P3H3: variants seen among roughly 807,000 people sequenced by gnomAD.
The protein encoded by P3H3 is gene rich cluster, B.
P3H3 carries 64 observed loss-of-function variants against 78.1 expected under a neutral mutation model. That is an observed-to-expected ratio of 0.82 (90% CI 0.67 to 1.01). The LOEUF (loss-of-function observed/expected upper bound fraction) is 1.01, where lower values mean the gene tolerates loss of function less well. Among genes scored for constraint, P3H3 ranks in the 50% least tolerant of loss-of-function variants. P3H3 has a pLI of 0.00. For missense variants in P3H3, 975 were observed against 982.2 expected (o/e 0.99, Z 0.10); for synonymous variants, 425 against 416.7 (o/e 1.02, Z -0.24).
intron 11 of P3H3, 61 bp from the exon 12 acceptor site, chr12:6,837,671 C>A: frequency 6.3e-7 from 1 of 1,585,054 alleles, no homozygotes; most frequent in Non-Finnish European, 8.6e-7. Context: ...CGGCCTGAGC[C>A]CACAGGGTGG....
rs1555122448 is a variant in P3H3, at chr12:6,837,852, G to A, written c.1829+3G>A. 6.2e-7 allele frequency: 1 copy of A among 1,606,890 alleles called. No individual in the cohort carries two copies. Among genetic ancestry groups the A allele is most frequent in the South Asian group, 1.1e-5 (1 of 89,762 alleles). ...GCCTACACCTATCGGGACTACAGGT[G>A]GGCAGCCCCTCTAGTGGTCAGGCAG... On this transcript the variant is annotated splice_donor_region_variant and intron_variant, in intron 12 of 14. Transcript: ENST00000290510.
intron 12 of P3H3, 42 bp downstream of exon 12, chr12:6,837,891 G>A (rs1165527332): frequency 1.3e-6 from 2 of 1,594,366 alleles, no homozygotes; most frequent in Non-Finnish European, 1.7e-6. Context: ...GGCAGACAAA[G>A]GTCATCCCAC....
chr12:6,829,812 G>GC lies in P3H3; in HGVS notation c.499-41dup, dbSNP rs782171892. On this transcript the variant is annotated intron_variant, in intron 1 of 14. Coordinates refer to ENST00000290510, the MANE Select transcript of P3H3 (RefSeq NM_014262.5). The surrounding 1 kb of genome is among the most constrained non-coding windows in gnomAD (Gnocchi z 5.1). ...GAGGCTGGCCAGGGGGCAGAGGTCT[G>GC]CCCCCCGTCCCAGGGCTCTGATGCC... 4.3e-6 allele frequency: 7 copies of GC among 1,610,192 alleles called. No individual in the cohort carries two copies. The highest frequency in any genetic ancestry group is 5.1e-6 in the Non-Finnish European group (6 of 1,177,574).
In P3H3 at chr12:6,830,376, G is replaced by T; in HGVS notation, c.675G>T (p.Glu225Asp). 6.3e-7 allele frequency: 1 copy of T among 1,584,656 alleles called. No homozygotes were observed. Among genetic ancestry groups the T allele is most frequent in the East Asian group, 2.3e-5 (1 of 43,376 alleles). Residue 225 changes from glutamate (E) to aspartate (D), a missense_variant, in exon 3 of 15, where the codon GAG becomes GAT. Transcript: ENST00000290510. ...AGGCAGCCTATGACACTGGCCTGGA[G>T]CTACTGGGGCGCCAGGAGGCAGGAC... is the stretch of plus-strand genomic sequence containing the variant. ...PHWAAYDTGL[E>D]LLGRQEAGLA...
At position 6,831,779 on chromosome 12, in the gene P3H3, C is replaced by T. The variant is rs1555121472; in HGVS notation, c.1123-46C>T. The T allele has an allele frequency of 7.8e-7, 1 of 1,278,972 alleles. No homozygotes were observed. Among genetic ancestry groups the T allele is most frequent in the East Asian group, 2.4e-5 (1 of 41,344 alleles). The allele number at this position is 1,278,972 out of a possible 1,614,324, so 79.2% of individuals were successfully genotyped here. A position where few individuals can be genotyped will look rare whatever the true frequency, so the allele number is the denominator to read the frequency against. ...GCAGTGCCCTAGAGCCGGCGCTTCC[C>T]TGCCTTCCTCCAGCTACCCCTCACT... is the stretch of plus-strand genomic sequence containing the variant. On this transcript the variant is annotated intron_variant, in intron 5 of 14. Coordinates refer to ENST00000290510, the MANE Select transcript of P3H3 (RefSeq NM_014262.5). This position sits in a 1 kb window ranked among gnomAD's most constrained non-coding sequence, Gnocchi z 4.6.
chr12:6,831,771 G>T lies in P3H3; in HGVS notation c.1123-54G>T. 1 of 1,145,016 alleles carries T rather than the reference G, an allele frequency of 8.7e-7. No homozygotes were observed. The allele number at this position is 1,145,016 out of a possible 1,614,324, so 70.9% of individuals were successfully genotyped here. Reference sequence around the variant, plus strand: ...GCACCCAGGCAGTGCCCTAGAGCCGGCGCTTCCCTGCCTTCCTCCAGCTAC... The same window carrying T: ...GCACCCAGGCAGTGCCCTAGAGCCGTCGCTTCCCTGCCTTCCTCCAGCTAC... On this transcript the variant is annotated intron_variant, in intron 5 of 14. Coordinates refer to ENST00000290510, the MANE Select transcript of P3H3 (RefSeq NM_014262.5). This position sits in a 1 kb window ranked among gnomAD's most constrained non-coding sequence, Gnocchi z 4.6.
rs1203276691 is a variant in P3H3, at chr12:6,831,212, C to T, written c.986-4C>T. ...AACCCCTGACCTTGTCGCTCCCTCT[C>T]CAGTGGGCAATCTGTCCCAGGCTAT... is the stretch of plus-strand genomic sequence containing the variant. On this transcript the variant is annotated splice_region_variant and splice_polypyrimidine_tract_variant and intron_variant, in intron 4 of 14. Coordinates refer to ENST00000290510, the MANE Select transcript of P3H3 (RefSeq NM_014262.5). This position sits in a 1 kb window ranked among gnomAD's most constrained non-coding sequence, Gnocchi z 4.6. 6.2e-7 allele frequency: 1 copy of T among 1,613,666 alleles called. No individual in the cohort carries two copies. Among genetic ancestry groups the T allele is most frequent in the Non-Finnish European group, 8.5e-7 (1 of 1,179,798 alleles).
In P3H3 at chr12:6,839,525, G is replaced by C. The variant is rs182343500; in HGVS notation, c.*64G>C. On this transcript the variant is annotated 3_prime_UTR_variant, in exon 15 of 15. Coordinates refer to ENST00000290510, the MANE Select transcript of P3H3 (RefSeq NM_014262.5). The stretch of plus-strand genomic sequence containing the variant: ...TTGTGGAAGGCCATCTTGATGCCAG[G>C]ACACACAGGAAGCCCCTGTGTGACA... The C allele has an allele frequency of 1.3e-6, 2 of 1,518,976 alleles. No individual in the cohort carries two copies. The highest frequency in any genetic ancestry group is 2.0e-5 in the Admixed American group (1 of 49,000). The allele number at this position is 1,518,976 out of a possible 1,614,324, so 94.1% of individuals were successfully genotyped here. A position where few individuals can be genotyped will look rare whatever the true frequency, so the allele number is the denominator to read the frequency against.
chr12:6,832,900 G>A (rs370369534), intron 6 of P3H3, among the ~76,000 whole-genome samples: 42,160 of 146,364 alleles, frequency 0.29, 6,117 homozygotes, highest in East Asian at 0.35. Context: ...ACCGGAACCC[G>A]GCCTGCAGCT....
chr12:6,834,018 C>G lies in P3H3; in HGVS notation c.1427C>G (p.Ala476Gly). ...RAVLDGLLTPAECGVLLQLAK... is the reference protein window; with the variant it reads ...RAVLDGLLTPGECGVLLQLAK... Reference sequence around the variant, plus strand: ...GTGTTGGATGGGCTGCTCACCCCAGCCGAGTGTGGGGTGCTGCTGCAGCTG... The same window carrying G: ...GTGTTGGATGGGCTGCTCACCCCAGGCGAGTGTGGGGTGCTGCTGCAGCTG... Residue 476 changes from alanine to glycine, a missense_variant, in exon 9 of 15, where the codon GCC (alanine) becomes GGC (glycine). Coordinates refer to ENST00000290510, the MANE Select transcript of P3H3 (RefSeq NM_014262.5). 1 of 1,613,748 alleles carries G rather than the reference C, an allele frequency of 6.2e-7. No individual in the cohort carries two copies. Among genetic ancestry groups the G allele is most frequent in the Non-Finnish European group, 8.5e-7 (1 of 1,179,876 alleles).
At chr12:6,836,831 G>C (rs180994970) in intron 9 of P3H3, among the ~76,000 whole-genome samples, 154 bp from the exon 10 acceptor site, 2 of 152,290 alleles carry the variant, frequency 1.3e-5, no homozygotes, top group Middle Eastern at 3.4e-3. Context: ...CACTCTCTGG[G>C]AAAGAGCAGC....
intron 6 of P3H3, 98 bp from the exon 7 acceptor site, chr12:6,833,494 T>G (rs1188626451): frequency 7.8e-7 from 1 of 1,276,672 alleles, no homozygotes; most frequent in East Asian, 2.3e-5. Flanking sequence ...TCTTCCTCTC[T>G]GGAAACAGAA....
At position 6,837,045 on chromosome 12, in the gene P3H3, C is replaced by T; in HGVS notation, c.1519C>T (p.His507Tyr). 2 of 1,608,046 alleles carry T rather than the reference C, an allele frequency of 1.2e-6. No individual in the cohort carries two copies. ...YRGRRSPHTP[H>Y]ERFEGLTVLK... ...TGGTCGCCGCTCCCCTCACACCCCCCATGAACGCTTCGAGGGGCTCACGGT... is the reference window on the plus strand; with the variant it reads ...TGGTCGCCGCTCCCCTCACACCCCCTATGAACGCTTCGAGGGGCTCACGGT... The change falls in exon 10 of 15, where the codon CAT becomes TAT. Residue 507 changes from histidine to tyrosine, a missense_variant. His to Tyr is a moderately conservative substitution (Grantham distance 83). Coordinates refer to ENST00000290510, the MANE Select transcript of P3H3 (RefSeq NM_014262.5).
Position 6,829,779 on chromosome 12 carries a change from A to G in P3H3, c.499-80A>G. On this transcript the variant is annotated intron_variant, in intron 1 of 14. Coordinates refer to ENST00000290510, the MANE Select transcript of P3H3 (RefSeq NM_014262.5). The surrounding 1 kb of genome is among the most constrained non-coding windows in gnomAD (Gnocchi z 5.1). ...GGCACCCAGAGTGTGTGTCTGGGGT[A>G]GGGTGGGGAGGCTGGCCAGGGGGCA... 6.7e-7 allele frequency: 1 copy of G among 1,482,010 alleles called. No individual in the cohort carries two copies. The highest frequency in any genetic ancestry group is 9.4e-7 in the Non-Finnish European group (1 of 1,068,632). The allele number at this position is 1,482,010 out of a possible 1,614,324, so 91.8% of individuals were successfully genotyped here.
chr12:6,830,934 G>C (rs782611181), intron 4 of P3H3, 164 bp downstream of exon 4: 82 of 1,050,902 alleles, frequency 7.8e-5, no homozygotes, highest in Non-Finnish European at 1.1e-4. Flanking sequence ...CTCCTTTGGC[G>C]CCTGTGACAA....
intron 6 of P3H3, among the ~76,000 whole-genome samples, 175 bp downstream of exon 6, chr12:6,832,089 G>A (rs929121872): frequency 1.3e-5 from 2 of 152,158 alleles, no homozygotes; most frequent in African/African-American, 2.4e-5. Flanking sequence ...TTGGGGTCAC[G>A]CAGGCCTAAA....
In P3H3 at chr12:6,839,008, G is replaced by A; in HGVS notation, c.1914G>A (p.Val638=). 1 of 1,597,066 alleles carries A rather than the reference G, an allele frequency of 6.3e-7. No homozygotes were observed. The highest frequency in any genetic ancestry group is 8.5e-7 in the Non-Finnish European group (1 of 1,171,974). ...EPNALTVTAR[V]RPRCGRLVAF... is the part of the protein sequence containing the mutation. ...TGCCCTCATCCCTCCAGGCTCGGGT[G>A]CGTCCTCGCTGTGGGCGCCTTGTGG... Residue 638 remains valine, a synonymous_variant, in exon 14 of 15, where the codon GTG becomes GTA. Coordinates refer to ENST00000290510, the MANE Select transcript of P3H3 (RefSeq NM_014262.5).
rs369045576 is a variant in P3H3 at position 6,829,448 on chromosome 12, C to T, written c.499-411C>T. 1.2e-4 allele frequency: 30 copies of T among 240,914 alleles called. No homozygotes were observed. The highest frequency in any genetic ancestry group is 6.3e-4 in the African/African-American group (27 of 42,856). The allele number at this position is 240,914 out of a possible 1,614,324, so 14.9% of individuals were successfully genotyped here. Reference sequence around the variant, plus strand: ...GCAGCCGCCGGTACCGCAGCAGTTGCCTACGTGGCTGGGGAAGCGGGGCGC... The same window carrying T: ...GCAGCCGCCGGTACCGCAGCAGTTGTCTACGTGGCTGGGGAAGCGGGGCGC... On this transcript the variant is annotated intron_variant, in intron 1 of 14. Coordinates refer to ENST00000290510, the MANE Select transcript of P3H3 (RefSeq NM_014262.5). This position sits in a 1 kb window ranked among gnomAD's most constrained non-coding sequence, Gnocchi z 5.1.
chr12:6,828,552 G>C lies in P3H3; in HGVS notation c.112G>C (p.Asp38His), dbSNP rs1555120788. ...CCCGGGGGCGCCCCCGCAGGCCCCC[G>C]ACTTGCTCTACGCTGACGGGCTGCG... is the stretch of plus-strand genomic sequence containing the variant. ...LSPGAPPQAP[D>H]LLYADGLRAY... The change falls in exon 1 of 15, where the codon GAC becomes CAC. Residue 38 changes from aspartate to histidine, a missense_variant. Transcript: ENST00000290510. 1.1e-5 allele frequency: 14 copies of C among 1,272,040 alleles called. No homozygotes were observed. In the South Asian group the frequency reaches 2.9e-4, roughly 26 times the overall value. 78.8% of individuals were successfully genotyped at this position (1,272,040 alleles called of 1,614,324 possible).
Sources: allele counts gnomAD v4.1 joint callset (sites outside exome capture counted in the v4.1 genomes callset), GRCh38; gene constraint gnomAD v4.1.1; non-coding constraint Gnocchi (gnomAD v3.1); transcripts MANE v1.5; gene names NCBI Gene and HGNC (gene_info 2026-07-23, HGNC 2026-07-21).